Variants in SHISA5 observed in about 807,000 individuals in gnomAD.
SHISA5 encodes protein shisa-5.
SHISA5 carries 21 observed loss-of-function variants against 27.5 expected under a neutral mutation model. That is an observed-to-expected ratio of 0.76 (90% CI 0.54 to 1.10). SHISA5 has a LOEUF of 1.10. Among genes scored for constraint, SHISA5 ranks in the 50% least tolerant of loss-of-function variants. The pLI, the probability that SHISA5 is intolerant of heterozygous loss-of-function variation, is 0.00. For synonymous variants in SHISA5, 137 were observed against 142.2 expected (o/e 0.96, Z 0.26); for missense variants, 314 against 336.3 (o/e 0.93, Z 0.52).
intron 3 of SHISA5, among the ~76,000 whole-genome samples, chr3:48,471,486 T>G (rs1414305253): frequency 8.0e-6 from 1 of 125,328 alleles, no homozygotes; most frequent in Non-Finnish European, 1.6e-5. Flanking sequence ...ACCCAGGAGG[T>G]GGAGGTTGTA....
chr3:48,483,771 C>G (rs1278342863), intron 2 of SHISA5, among the ~76,000 whole-genome samples: 3,315 of 28,590 alleles, frequency 0.12, 2 homozygotes, highest in South Asian at 0.16. Flanking sequence ...GGGGGGCTGA[C>G]CCCACCACCT....
At chr3:48,478,770 CCCATCA>C (rs1175399988) in intron 3 of SHISA5, among the ~76,000 whole-genome samples, 4 of 152,138 alleles carry the variant, frequency 2.6e-5, no homozygotes, top group Non-Finnish European at 5.9e-5. Context: ...CCACCATCAC[CCCATCA>C]CCATCACCAT....
Position 48,495,045 on chromosome 3 carries a change from G to A in SHISA5, c.233+6092C>T, listed in dbSNP as rs1036692679. Among the ~76,000 whole-genome samples the A allele has an allele frequency of 3.4e-4, 50 of 145,290 alleles. 9 individuals carry two copies. Among genetic ancestry groups the A allele is most frequent in the African/African-American group, 1.3e-3 (46 of 36,162 alleles). On this transcript the variant is annotated intron_variant, in intron 2 of 5. Coordinates refer to ENST00000296444, the MANE Select transcript of SHISA5 (RefSeq NM_016479.6). Reference sequence around the variant, plus strand: ...TAGCCTCCAACTCCTGGGCTCAAGCGATCCTCCTACCTCAGCCTCCCAAAG... The same window carrying A: ...TAGCCTCCAACTCCTGGGCTCAAGCAATCCTCCTACCTCAGCCTCCCAAAG...
chr3:48,483,115 ATTCTTGGGTGT>A (rs2041078000), intron 2 of SHISA5, among the ~76,000 whole-genome samples: 1 of 147,486 alleles, frequency 6.8e-6, no homozygotes, highest in South Asian at 2.1e-4. Flanking sequence ...TTTATTGATC[ATTCTTGGGTGT>A]TTCTCGCAGA....
chr3:48,503,749 A>G (rs7434107), intron 1 of SHISA5: 111,056 of 1,223,294 alleles, frequency 0.091, 14,653 homozygotes, highest in African/African-American at 0.61. Context: ...CATCCCCTGG[A>G]ACATGGGCGG....
chr3:48,468,736 G>T lies in SHISA5; in HGVS notation c.*371C>A. On this transcript the variant is annotated 3_prime_UTR_variant, in exon 6 of 6. Transcript: ENST00000296444. Reference sequence around the variant, plus strand: ...CACCCTGGTGTGACAGGCCCTACTTGGTCACCCTAGGGTAAGCTGGAGAAG... The same window carrying T: ...CACCCTGGTGTGACAGGCCCTACTTTGTCACCCTAGGGTAAGCTGGAGAAG... 1 of 1,334,876 alleles carries T rather than the reference G, an allele frequency of 7.5e-7. No individual in the cohort carries two copies. The highest frequency in any genetic ancestry group is 9.8e-7 in the Non-Finnish European group (1 of 1,019,692). The allele number at this position is 1,334,876 out of a possible 1,614,324, so 82.7% of individuals were successfully genotyped here. A position where few individuals can be genotyped will look rare whatever the true frequency, so the allele number is the denominator to read the frequency against.
Position 48,469,116 on chromosome 3 carries a change from C to G in SHISA5, c.714G>C (p.Ala238=). 6.2e-7 allele frequency: 1 copy of G among 1,613,032 alleles called. No homozygotes were observed. ...AGAGGCCAGGGAATGCTCAGAGGGC[C>G]GCCTTCGGGGCATCCATGTAGGCCG... The part of the protein sequence containing the change: ...YNPAYMDAPK[A]AL Residue 238 remains alanine (A), a synonymous_variant, in exon 6 of 6, where the codon GCG becomes GCC. Coordinates refer to ENST00000296444, the MANE Select transcript of SHISA5 (RefSeq NM_016479.6). The surrounding 1 kb of genome is among the most constrained non-coding windows in gnomAD (Gnocchi z 4.6).
intron 2 of SHISA5, among the ~76,000 whole-genome samples, chr3:48,483,360 C>A (rs1431666354): frequency 1.3e-5 from 2 of 151,978 alleles, no homozygotes; most frequent in South Asian, 2.1e-4. Flanking sequence ...ATCCATTTAA[C>A]CCTGAGTGGA....
At chr3:48,483,193 G>A (rs2041080846) in intron 2 of SHISA5, among the ~76,000 whole-genome samples, 1 of 151,938 alleles carries the variant, frequency 6.6e-6, no homozygotes, top group African/African-American at 2.4e-5. Context: ...AGATAAACAA[G>A]TGAACAAAGG....
chr3:48,469,140 C>T lies in SHISA5; in HGVS notation c.690G>A (p.Pro230=), dbSNP rs760402392. Residue 230 remains proline (P), a synonymous_variant, in exon 6 of 6, where the codon CCG becomes CCA. Coordinates refer to ENST00000296444, the MANE Select transcript of SHISA5 (RefSeq NM_016479.6). This position sits in a 1 kb window ranked among gnomAD's most constrained non-coding sequence, Gnocchi z 4.6. ...CCGCCTTCGGGGCATCCATGTAGGC[C>T]GGGTTGTAAGGAGGCTGGCTGGCGG... is the stretch of plus-strand genomic sequence containing the variant. ...PYPASQPPYN[P]AYMDAPKAAL The T allele has an allele frequency of 2.0e-5, 32 of 1,612,938 alleles. No homozygotes were observed. The highest frequency in any genetic ancestry group is 8.9e-5 in the East Asian group (4 of 44,890).
Position 48,468,908 on chromosome 3 carries a change from C to G in SHISA5, c.*199G>C. ...GAGAACAAAGTCTGGTCCCAGCCCA[C>G]TCTGGCAAGGATTGTTCCCCACCTT... On this transcript the variant is annotated 3_prime_UTR_variant, in exon 6 of 6. Transcript: ENST00000296444. 1 of 1,540,012 alleles carries G rather than the reference C, an allele frequency of 6.5e-7. No homozygotes were observed. Among genetic ancestry groups the G allele is most frequent in the Non-Finnish European group, 8.7e-7 (1 of 1,148,964 alleles).
At position 48,468,234 on chromosome 3, in the gene SHISA5, A is replaced by G; in HGVS notation, c.*873T>C. On this transcript the variant is annotated 3_prime_UTR_variant, in exon 6 of 6. Transcript: ENST00000296444. ...TCATATCAACTATCATGTTTGAAACAGAAAACAGGCAAAATGTTTGGCTAA... is the reference window on the plus strand; with the variant it reads ...TCATATCAACTATCATGTTTGAAACGGAAAACAGGCAAAATGTTTGGCTAA... 1.0e-6 allele frequency: 1 copy of G among 1,002,048 alleles called. No homozygotes were observed. The highest frequency in any genetic ancestry group is 1.2e-6 in the Non-Finnish European group (1 of 839,366). 62.1% of individuals were successfully genotyped at this position (1,002,048 alleles called of 1,614,324 possible). A position where few individuals can be genotyped will look rare whatever the true frequency, so the allele number is the denominator to read the frequency against.
chr3:48,487,343 G>A (rs2041282532), intron 2 of SHISA5, among the ~76,000 whole-genome samples: 2 of 151,960 alleles, frequency 1.3e-5, no homozygotes, highest in Admixed American at 6.6e-5. Context: ...AGTTTATATA[G>A]TTACATAGTT....
At chr3:48,477,036 ATGCCCCTC>A (rs1560122281) in intron 3 of SHISA5, 1 of 449,144 alleles carries the variant, frequency 2.2e-6, no homozygotes, top group Non-Finnish European at 4.4e-6. Flanking sequence ...TCCTCCTCCT[ATGCCCCTC>A]TGGGAGCTTG....
At chr3:48,483,562 A>G (rs539330466) in intron 2 of SHISA5, among the ~76,000 whole-genome samples, 1 of 151,688 alleles carries the variant, frequency 6.6e-6, no homozygotes, top group Non-Finnish European at 1.5e-5. Context: ...ATCCCACAAA[A>G]CCGCCATTGT....
chr3:48,469,737 G>T lies in SHISA5; in HGVS notation c.421C>A (p.Arg141=). 1 of 1,614,044 alleles carries T rather than the reference G, an allele frequency of 6.2e-7. No individual in the cohort carries two copies. Among genetic ancestry groups the T allele is most frequent in the Admixed American group, 1.7e-5 (1 of 59,998 alleles). Residue 141 remains arginine, a synonymous_variant, in exon 4 of 6, where the codon CGA becomes AGA. Coordinates refer to ENST00000296444, the MANE Select transcript of SHISA5 (RefSeq NM_016479.6). The surrounding 1 kb of genome is among the most constrained non-coding windows in gnomAD (Gnocchi z 4.6). ...SCCCLYKTCR[R]PRPVVTTTTS... ...GGGTGGGCACGCTTACGACGTGGTC[G>T]GCGGCACGTCTTGTAAAGGCAGCAG... is the stretch of plus-strand genomic sequence containing the variant.
At chr3:48,497,265 T>G (rs974033239) in intron 2 of SHISA5, among the ~76,000 whole-genome samples, 6 of 145,526 alleles carry the variant, frequency 4.1e-5, no homozygotes, top group Non-Finnish European at 9.1e-5. Flanking sequence ...AGAACAAGTT[T>G]TTTTTTTTTT....
chr3:48,485,592 TA>T (rs914235354), intron 2 of SHISA5, among the ~76,000 whole-genome samples: 2 of 144,378 alleles, frequency 1.4e-5, no homozygotes, highest in African/African-American at 5.0e-5. Context: ...TAATATAAGA[TA>T]ATATAAGAAT....
At chr3:48,494,334 T>C (rs1232613413) in intron 2 of SHISA5, among the ~76,000 whole-genome samples, 1 of 143,344 alleles carries the variant, frequency 7.0e-6, no homozygotes, top group South Asian at 2.2e-4. Flanking sequence ...AGTTTCACTC[T>C]GTTGCCAGGC....
Sources: allele counts gnomAD v4.1 joint callset (sites outside exome capture counted in the v4.1 genomes callset), GRCh38; gene constraint gnomAD v4.1.1; non-coding constraint Gnocchi (gnomAD v3.1); transcripts MANE v1.5; gene names NCBI Gene and HGNC (gene_info 2026-07-23, HGNC 2026-07-21).